The following GRSF1 variants were observed in gnomAD, a reference collection of about 807,000 sequenced individuals.
The protein encoded by GRSF1 is G-rich sequence factor 1.
Under a neutral mutation model 51.1 loss-of-function variants are expected in GRSF1, and 50 were observed. That is an observed-to-expected ratio of 0.98 (90% CI 0.78 to 1.24). GRSF1 has a LOEUF of 1.24. Among genes scored for constraint, GRSF1 ranks in the 50% most tolerant of loss-of-function variants. The probability of loss-of-function intolerance (pLI) is 0.00; values close to 1 mark genes in which losing one functional copy is unlikely to be tolerated. For missense variants in GRSF1, 700 were observed against 639.7 expected, an observed-to-expected ratio of 1.09 and a Z score of -1.02; for synonymous variants, 293 against 253.3, an observed-to-expected ratio of 1.16 and a Z score of -1.49.
chr4:70,836,974 G>C (rs1479157198), intron 1 of GRSF1, among the ~76,000 whole-genome samples: 1 of 152,230 alleles, frequency 6.6e-6, no homozygotes, highest in Non-Finnish European at 1.5e-5. Flanking sequence ...CCATAGAGCA[G>C]AGGGCCTTGA....
At chr4:70,827,455 A>G (rs1471269383) in intron 6 of GRSF1, among the ~76,000 whole-genome samples, 4 of 152,146 alleles carry the variant, frequency 2.6e-5, no homozygotes, top group African/African-American at 9.7e-5. Context: ...AAAATAATTA[A>G]GCCTTTCTGC....
Position 70,817,001 on chromosome 4 carries a change from T to C in GRSF1, c.*3886A>G, listed in dbSNP as rs776304401. The C allele has an allele frequency of 6.6e-6, 1 of 152,098 alleles. No individual in the cohort carries two copies. Among genetic ancestry groups the C allele is most frequent in the Non-Finnish European group, 1.5e-5 (1 of 68,024 alleles). The allele number at this position is 152,098 out of a possible 1,614,324, so 9.4% of individuals were successfully genotyped here. A position where few individuals can be genotyped will look rare whatever the true frequency, so the allele number is the denominator to read the frequency against. On this transcript the variant is annotated 3_prime_UTR_variant, in exon 10 of 10. Transcript: ENST00000254799. ...AATAGCATGTACAGTATAATTTATA[T>C]TTTTAAAAGAAATGACAACACCCAC...
At chr4:70,839,903 C>G (rs1211494199), upstream of GRSF1, 13 of 1,302,972 alleles carry the variant, frequency 1.0e-5, no homozygotes, top group Non-Finnish European at 1.3e-5. Context: ...AATCCAGGGC[C>G]GGTTGGGGGT....
rs552632261 is a variant in GRSF1, at chr4:70,832,504, C to G, written c.671-54G>C. Reference sequence around the variant, plus strand: ...AAAATTTACATAACAAAGGAACAAACCCATTAAAAAAAATCATTACAACTT... The same window carrying G: ...AAAATTTACATAACAAAGGAACAAAGCCATTAAAAAAAATCATTACAACTT... On this transcript the variant is annotated intron_variant, in intron 3 of 9. Coordinates refer to ENST00000254799, the MANE Select transcript of GRSF1 (RefSeq NM_002092.4). 37 of 1,087,610 alleles carry G rather than the reference C, an allele frequency of 3.4e-5. No homozygotes were observed. In the African/African-American group the frequency reaches 5.2e-4, roughly 15 times the overall value. The allele number at this position is 1,087,610 out of a possible 1,614,324, so 67.4% of individuals were successfully genotyped here.
At chr4:70,842,795 A>G (rs1385284932), upstream of GRSF1, among the ~76,000 whole-genome samples, 2 of 152,188 alleles carry the variant, frequency 1.3e-5, no homozygotes, top group Non-Finnish European at 2.9e-5. Context: ...CTAAATAGAC[A>G]GAAATCCTGT....
intron 6 of GRSF1, among the ~76,000 whole-genome samples, chr4:70,827,594 G>A (rs1733787335): frequency 1.3e-5 from 2 of 151,904 alleles, no homozygotes; most frequent in Non-Finnish European, 2.9e-5. Context: ...CCTGGCCAAC[G>A]TGGCGAAACC....
intron 6 of GRSF1, 99 bp from the exon 7 acceptor site, chr4:70,826,344 C>A (rs1733736757): frequency 1.9e-6 from 2 of 1,027,920 alleles, no homozygotes; most frequent in Non-Finnish European, 1.4e-6. Context: ...ATCCTCAATT[C>A]CTCTTAAGAG....
chr4:70,839,346 G>A, intron 1 of GRSF1, 125 bp downstream of exon 1: 2 of 1,505,020 alleles, frequency 1.3e-6, no homozygotes, highest in East Asian at 2.6e-5. Context: ...GGGCGGGTGT[G>A]CGGCGAGTGT....
rs991034811 is a variant in GRSF1, at chr4:70,817,903, T to C, written c.*2984A>G. The C allele has an allele frequency of 5.3e-5, 8 of 152,244 alleles. No individual in the cohort carries two copies. The highest frequency in any genetic ancestry group is 7.3e-5 in the Non-Finnish European group (5 of 68,048). The allele number at this position is 152,244 out of a possible 1,614,324, so 9.4% of individuals were successfully genotyped here. A position where few individuals can be genotyped will look rare whatever the true frequency, so the allele number is the denominator to read the frequency against. ...GAGTGGGAGGGTAATGTATTTCTAA[T>C]GCGATAGCGCAATTTGGATTGGAAC... On this transcript the variant is annotated 3_prime_UTR_variant, in exon 10 of 10. Transcript: ENST00000254799.
In GRSF1 at chr4:70,826,197, C is replaced by T. The variant is rs1733730008; in HGVS notation, c.1184G>A (p.Gly395Glu). 2 of 1,610,960 alleles carry T rather than the reference C, an allele frequency of 1.2e-6. No homozygotes were observed. Among genetic ancestry groups the T allele is most frequent in the East Asian group, 4.5e-5 (2 of 44,824 alleles). Residue 395 changes from glycine (G) to glutamate (E), a missense_variant, in exon 7 of 10, where the codon GGA (glycine) becomes GAA (glutamate). Gly to Glu is a moderately conservative substitution (Grantham distance 98, BLOSUM62 -2). Transcript: ENST00000254799. ...PEKLPEAADF[G>E]TTSSLHFVHM... ...GACAAAATGCAGAGAAGACGTAGTT[C>T]CAAAATCAGCAGCCTCTGGAAGCTT...
intron 9 of GRSF1, among the ~76,000 whole-genome samples, chr4:70,821,224 C>A (rs1178856434): frequency 6.6e-6 from 1 of 151,990 alleles, no homozygotes; most frequent in Non-Finnish European, 1.5e-5. Flanking sequence ...GTCAGGAGTT[C>A]GAGACCAACC....
intron 1 of GRSF1, chr4:70,839,020 G>A (rs754700391): frequency 1.4e-5 from 9 of 663,650 alleles, no homozygotes; most frequent in Admixed American, 3.5e-5. Flanking sequence ...TCCCAGCAGC[G>A]GCCGACCGAG....
intron 5 of GRSF1, 32 bp from the exon 6 acceptor site, chr4:70,828,068 T>C (rs1337684325): frequency 8.7e-6 from 13 of 1,501,916 alleles, no homozygotes; most frequent in African/African-American, 1.4e-5. Context: ...CAGGCACAAA[T>C]GGTGCAAAGT....
intron 9 of GRSF1, among the ~76,000 whole-genome samples, chr4:70,823,848 A>C (rs929726767): frequency 2.0e-5 from 3 of 152,220 alleles, no homozygotes; most frequent in African/African-American, 7.2e-5. Flanking sequence ...CCTGGGCAAC[A>C]GAGCAAGACC....
rs1363431876 is a variant in GRSF1 at position 70,818,061 on chromosome 4, C to CA, written c.*2825dup. ...TGTATTTTGGTTTTTTTGATTTTGA[C>CA]AGAGTCTCACTCTGTTGCCCAGGCT... is the stretch of plus-strand genomic sequence containing the variant. On this transcript the variant is annotated 3_prime_UTR_variant, in exon 10 of 10. Coordinates refer to ENST00000254799, the MANE Select transcript of GRSF1 (RefSeq NM_002092.4). 1.3e-5 allele frequency: 2 copies of CA among 152,224 alleles called. No homozygotes were observed. Among genetic ancestry groups the CA allele is most frequent in the Non-Finnish European group, 2.9e-5 (2 of 68,076 alleles). 9.4% of individuals were successfully genotyped at this position (152,224 alleles called of 1,614,324 possible).
At chr4:70,841,643 T>C (rs1385443149), upstream of GRSF1, among the ~76,000 whole-genome samples, 1 of 152,236 alleles carries the variant, frequency 6.6e-6, no homozygotes, top group Non-Finnish European at 1.5e-5. Flanking sequence ...TTTGCTAGAA[T>C]ATTTTAAAGC....
intron 9 of GRSF1, 139 bp downstream of exon 9, chr4:70,824,155 G>T (rs1733640155): frequency 2.4e-6 from 1 of 416,984 alleles, no homozygotes; most frequent in Non-Finnish European, 4.5e-6. Flanking sequence ...ATTTTTAGTA[G>T]AGACAGGGTT....
At chr4:70,836,137 T>C in intron 2 of GRSF1, 21 bp downstream of exon 2, 1 of 1,359,764 alleles carries the variant, frequency 7.4e-7, no homozygotes. Flanking sequence ...AATAAATAAA[T>C]AAAACATACA....
upstream of GRSF1, among the ~76,000 whole-genome samples, chr4:70,841,291 AT>A (rs1406991427): frequency 5.3e-5 from 8 of 152,326 alleles, no homozygotes; most frequent in East Asian, 3.9e-4. Context: ...CTCTAAAAAA[AT>A]AAAAGAAAAC....
Sources: gnomAD v4.1 joint callset for allele counts (sites outside exome capture counted in the v4.1 genomes callset) on GRCh38, gnomAD v4.1.1 for gene constraint, MANE v1.5 for transcripts, NCBI Gene and HGNC (gene_info 2026-07-23, HGNC 2026-07-21) for gene names.